GPC5: variants seen among roughly 807,000 people sequenced by gnomAD.
GPC5 encodes glypican-5.
A neutral mutation model predicts 53.9 loss-of-function variants in GPC5; 47 were observed. The ratio of observed to expected loss-of-function variants is 0.87; its 90% CI spans 0.69 to 1.11. GPC5 has a LOEUF of 1.11. Among genes scored for constraint, GPC5 ranks in the 50% most tolerant of loss-of-function variants. The pLI, the probability that GPC5 is intolerant of heterozygous loss-of-function variation, is 0.00. For synonymous variants in GPC5, 286 were observed against 263.3 expected, an observed-to-expected ratio of 1.09 and a Z score of -0.84; for missense variants, 748 against 713.1, an observed-to-expected ratio of 1.05 and a Z score of -0.56.
At chr13:91,530,151 C>T (rs1166609573) in intron 2 of GPC5, among the ~76,000 whole-genome samples, 3 of 152,202 alleles carry the variant, frequency 2.0e-5, no homozygotes, top group African/African-American at 4.8e-5. Context: ...CAAACTTCAA[C>T]ATACATGGAG....
chr13:92,547,136 A>T (rs549247496), intron 7 of GPC5, among the ~76,000 whole-genome samples: 4 of 152,320 alleles, frequency 2.6e-5, no homozygotes, highest in African/African-American at 7.2e-5. Flanking sequence ...GGGGGAAAAT[A>T]GATTGGTGTC....
intron 6 of GPC5, among the ~76,000 whole-genome samples, chr13:91,953,614 T>C (rs1241757234): frequency 1.3e-5 from 2 of 152,210 alleles, no homozygotes; most frequent in East Asian, 3.8e-4. Flanking sequence ...GCTGCTATAA[T>C]AAAATACAAT....
chr13:91,805,116 T>A (rs1468542708), intron 5 of GPC5, among the ~76,000 whole-genome samples: 1 of 152,158 alleles, frequency 6.6e-6, no homozygotes, highest in African/African-American at 2.4e-5. Context: ...TTGAAAACAA[T>A]GACAGGATGG....
intron 7 of GPC5, among the ~76,000 whole-genome samples, chr13:92,189,889 A>T (rs1338806093): frequency 6.6e-6 from 1 of 152,202 alleles, no homozygotes; most frequent in Non-Finnish European, 1.5e-5. Flanking sequence ...CGCAACAGAC[A>T]CTTCCAAAAC....
chr13:92,163,451 A>T (rs1265616275), intron 7 of GPC5, among the ~76,000 whole-genome samples: 1 of 130,012 alleles, frequency 7.7e-6, no homozygotes, highest in Non-Finnish European at 1.6e-5. Context: ...ACACAGTGAG[A>T]TTCCATCTCA....
Position 91,861,212 on chromosome 13 carries a change from T to C in GPC5, c.1281-46725T>C, listed in dbSNP as rs917527537. 2.0e-5 allele frequency among the ~76,000 whole-genome samples: 3 copies of C among 152,186 alleles called. No homozygotes were observed. The South Asian group carries it at 6.2e-4, about 32-fold the overall frequency. ...GCATTTTAAGTGTAGTTTTTATAAA[T>C]GTCAATAAGATCAAAGTGATTTGTA... On this transcript the variant is annotated intron_variant, in intron 5 of 7. Transcript: ENST00000377067.
chr13:91,925,359 C>T (rs957570052), intron 6 of GPC5, among the ~76,000 whole-genome samples: 1 of 152,074 alleles, frequency 6.6e-6, no homozygotes, highest in African/African-American at 2.4e-5. Context: ...TGTTTAAAAT[C>T]ACTCTAATGA....
intron 6 of GPC5, among the ~76,000 whole-genome samples, chr13:91,940,226 C>T (rs998412634): frequency 5.3e-5 from 8 of 152,080 alleles, no homozygotes; most frequent in Admixed American, 1.3e-4. Flanking sequence ...CTCCCACTTA[C>T]AAGTGAGAAC....
At chr13:92,307,681 C>T (rs911588955) in intron 7 of GPC5, among the ~76,000 whole-genome samples, 1 of 152,200 alleles carries the variant, frequency 6.6e-6, no homozygotes, top group Non-Finnish European at 1.5e-5. Flanking sequence ...AGCTACTTCT[C>T]TCTCATCTGC....
intron 7 of GPC5, among the ~76,000 whole-genome samples, chr13:92,675,225 C>T (rs1886898213): frequency 6.6e-6 from 1 of 152,044 alleles, no homozygotes; most frequent in Admixed American, 6.6e-5. Flanking sequence ...TAGGCAAATA[C>T]TTTGTCACCA....
chr13:92,107,707 G>A (rs2041520900), intron 6 of GPC5, among the ~76,000 whole-genome samples: 1 of 152,084 alleles, frequency 6.6e-6, no homozygotes, highest in Non-Finnish European at 1.5e-5. Context: ...GTCCTACAGT[G>A]TACCCCATAT....
chr13:92,138,051 C>G (rs923021859), intron 6 of GPC5, among the ~76,000 whole-genome samples: 1 of 152,060 alleles, frequency 6.6e-6, no homozygotes, highest in Admixed American at 6.6e-5. Flanking sequence ...CTACTTTCCA[C>G]TCAATTTTGC....
At chr13:92,726,144 A>T (rs1233967443) in intron 7 of GPC5, among the ~76,000 whole-genome samples, 1 of 151,496 alleles carries the variant, frequency 6.6e-6, no homozygotes, top group Non-Finnish European at 1.5e-5. Flanking sequence ...AAGGTCCTGG[A>T]AAAGGTGATG....
intron 5 of GPC5, among the ~76,000 whole-genome samples, chr13:91,855,089 A>G (rs2038952896): frequency 6.6e-6 from 1 of 151,784 alleles, no homozygotes; most frequent in African/African-American, 2.4e-5. Context: ...TACTCATTTG[A>G]ATTTTTTAAT....
intron 7 of GPC5, among the ~76,000 whole-genome samples, chr13:92,296,737 C>T (rs1392707812): frequency 1.3e-5 from 2 of 152,180 alleles, no homozygotes; most frequent in African/African-American, 4.8e-5. Flanking sequence ...TGGGCGTGGG[C>T]TTGGTGGGCC....
chr13:92,539,171 C>T (rs1881842086), intron 7 of GPC5, among the ~76,000 whole-genome samples: 1 of 149,654 alleles, frequency 6.7e-6, no homozygotes, highest in Non-Finnish European at 1.5e-5. Flanking sequence ...ATTTATAATC[C>T]TTTGGGTATA....
At chr13:91,883,385 A>T (rs1431297213) in intron 5 of GPC5, among the ~76,000 whole-genome samples, 1 of 152,156 alleles carries the variant, frequency 6.6e-6, no homozygotes, top group Non-Finnish European at 1.5e-5. Context: ...GGGGAAGGAG[A>T]CCTAGACCTA....
chr13:91,697,986 C>T (rs1455191540), intron 3 of GPC5, among the ~76,000 whole-genome samples: 1 of 151,532 alleles, frequency 6.6e-6, no homozygotes, highest in Non-Finnish European at 1.5e-5. Flanking sequence ...ACTGCATCCT[C>T]CACCTCCCGG....
chr13:92,446,879 T>C (rs1350814806), intron 7 of GPC5: 1 of 146,654 alleles, frequency 6.8e-6, no homozygotes, highest in Non-Finnish European at 1.5e-5. Context: ...TATCTGATGA[T>C]CGGTGATGTT....
Sources: allele counts gnomAD v4.1 joint callset (sites outside exome capture counted in the v4.1 genomes callset), GRCh38; gene constraint gnomAD v4.1.1; transcripts MANE v1.5; gene names NCBI Gene and HGNC (gene_info 2026-07-23, HGNC 2026-07-21).